TEAD4: variants seen among roughly 807,000 people sequenced by gnomAD.
The protein encoded by TEAD4 is transcriptional enhancer factor TEF-3.
A neutral mutation model predicts 52.4 loss-of-function variants in TEAD4; 36 were observed. The observed-to-expected ratio is 0.69, with a 90% CI of 0.53 to 0.91. The LOEUF (loss-of-function observed/expected upper bound fraction) is 0.91, where lower values mean the gene tolerates loss of function less well. Among genes scored for constraint, TEAD4 ranks in the 40% least tolerant of loss-of-function variants. TEAD4 has a pLI of 0.00. For missense variants in TEAD4, 508 were observed against 583.9 expected, an observed-to-expected ratio of 0.87 and a Z score of 1.34; for synonymous variants, 220 against 231.0, an observed-to-expected ratio of 0.95 and a Z score of 0.43.
chr12:3,038,997 A>G (rs2098281101), intron 11 of TEAD4, among the ~76,000 whole-genome samples: 1 of 151,794 alleles, frequency 6.6e-6, no homozygotes, highest in African/African-American at 2.4e-5. Context: ...CCCTCTCCTC[A>G]CCCCTTCCCC....
At chr12:3,009,712 G>T (rs978860273) in intron 3 of TEAD4, among the ~76,000 whole-genome samples, 1 of 152,236 alleles carries the variant, frequency 6.6e-6, no homozygotes, top group Non-Finnish European at 1.5e-5. Context: ...ACATCTTGTG[G>T]ACTCAGGGTT....
chr12:2,980,354 A>T (rs917707496), intron 2 of TEAD4, among the ~76,000 whole-genome samples: 3 of 152,060 alleles, frequency 2.0e-5, no homozygotes, highest in African/African-American at 7.2e-5. Flanking sequence ...AATCCAGGCT[A>T]CCCCTCCCTC....
intron 2 of TEAD4, among the ~76,000 whole-genome samples, chr12:2,962,870 G>A (rs1345457367): frequency 6.6e-6 from 1 of 152,140 alleles, no homozygotes; most frequent in Non-Finnish European, 1.5e-5. Flanking sequence ...TAGAACCTAT[G>A]CTCTCCCCTT....
chr12:3,010,936 C>T (rs918398609), intron 3 of TEAD4, 68 bp from the exon 4 acceptor site: 6 of 1,579,684 alleles, frequency 3.8e-6, no homozygotes, highest in Middle Eastern at 1.7e-4. Context: ...AGAAGGTACC[C>T]CGCACCCCCT....
At chr12:3,019,707 TAG>T (rs113126255) in intron 8 of TEAD4, among the ~76,000 whole-genome samples, 2,219 of 152,188 alleles carry the variant, frequency 0.015, 55 homozygotes, top group African/African-American at 0.05. Flanking sequence ...TCCCACTCTG[TAG>T]GACAAGACCA....
At chr12:3,000,113 T>C (rs2098250512) in intron 3 of TEAD4, among the ~76,000 whole-genome samples, 1 of 152,062 alleles carries the variant, frequency 6.6e-6, no homozygotes, top group East Asian at 1.9e-4. Flanking sequence ...CTCCACAACT[T>C]CATGGTCTAA....
In TEAD4 at chr12:2,975,391, TTATTATTATTAC is replaced by T. The variant is rs1313632353; in HGVS notation, c.-30+15354_-30+15365del. 2.9e-3 allele frequency among the ~76,000 whole-genome samples: 106 copies of T among 36,350 alleles called. 1 individual carries two copies. Among genetic ancestry groups the T allele is most frequent in the African/African-American group, 9.5e-3 (103 of 10,898 alleles). The allele number at this position is 36,350 out of a possible 152,430, so 23.8% of individuals were successfully genotyped here. A position where few individuals can be genotyped will look rare whatever the true frequency, so the allele number is the denominator to read the frequency against. On this transcript the variant is annotated intron_variant, in intron 2 of 12. Transcript: ENST00000359864. ...ATTATTATTATTATTATTATTATTA[TTATTATTATTAC>T]TAGAGATGGAGTCTTGCTCTTGTTG...
At chr12:3,020,889 T>G in intron 9 of TEAD4, 116 bp downstream of exon 9, 1 of 1,183,400 alleles carries the variant, frequency 8.5e-7, no homozygotes, top group Middle Eastern at 2.1e-4. Context: ...CCTGTTCCTT[T>G]CCGATCTTCC....
intron 2 of TEAD4, among the ~76,000 whole-genome samples, chr12:2,968,707 G>C (rs1385563926): frequency 1.3e-5 from 2 of 151,792 alleles, no homozygotes; most frequent in East Asian, 3.9e-4. Context: ...GGAGTGCAGT[G>C]GTGTGATCAT....
intron 3 of TEAD4, among the ~76,000 whole-genome samples, chr12:3,010,514 T>C (rs577138490): frequency 6.6e-6 from 1 of 152,312 alleles, no homozygotes; most frequent in East Asian, 1.9e-4. Context: ...GCACCCCCCA[T>C]GCCCGCTGCT....
chr12:2,982,897 C>A (rs1200786631), intron 2 of TEAD4, among the ~76,000 whole-genome samples: 2 of 152,212 alleles, frequency 1.3e-5, no homozygotes, highest in African/African-American at 4.8e-5. Context: ...CTAGGCCCAA[C>A]TTCTGCAGGG....
chr12:3,012,093 G>T, intron 4 of TEAD4, 77 bp from the exon 5 acceptor site: 2 of 1,478,724 alleles, frequency 1.4e-6, no homozygotes, highest in South Asian at 1.2e-5. Flanking sequence ...GGCTGTGGAG[G>T]GCGAGAGTCA....
intron 2 of TEAD4, among the ~76,000 whole-genome samples, chr12:2,980,158 C>T (rs2153953640): frequency 6.6e-6 from 1 of 152,270 alleles, no homozygotes; most frequent in East Asian, 1.9e-4. Flanking sequence ...GCCTTAGTCT[C>T]CTCACTTATA....
intron 2 of TEAD4, among the ~76,000 whole-genome samples, chr12:2,982,004 G>A (rs1687482488): frequency 6.6e-6 from 1 of 152,148 alleles, no homozygotes; most frequent in Admixed American, 6.5e-5. Flanking sequence ...GGATCACAGT[G>A]GCTGCAGAAG....
intron 2 of TEAD4, among the ~76,000 whole-genome samples, chr12:2,972,883 G>C (rs1316003053): frequency 6.6e-6 from 1 of 152,082 alleles, no homozygotes; most frequent in Non-Finnish European, 1.5e-5. Flanking sequence ...CAGTGTTTTT[G>C]GTAAGTAGTA....
chr12:2,962,220 G>C (rs973142737), intron 2 of TEAD4, among the ~76,000 whole-genome samples: 2 of 146,776 alleles, frequency 1.4e-5, no homozygotes, highest in African/African-American at 5.0e-5. Context: ...CGCCTCCTGG[G>C]TTCAAGCGAT....
At chr12:2,986,647 A>T (rs1002803889) in intron 2 of TEAD4, among the ~76,000 whole-genome samples, 91 of 115,520 alleles carry the variant, frequency 7.9e-4, no homozygotes, top group Non-Finnish European at 1.0e-3. Flanking sequence ...CTCAAAAAAT[A>T]AAAAAAAATA....
chr12:3,007,890 A>G (rs900457642), intron 3 of TEAD4, among the ~76,000 whole-genome samples: 7 of 152,210 alleles, frequency 4.6e-5, no homozygotes, highest in African/African-American at 1.4e-4. Context: ...GTAAAAGGTT[A>G]TTTGCATGTA....
rs1214087190 is a variant in TEAD4 at position 3,011,027 on chromosome 12, T to C, written c.250T>C (p.Tyr84His). 1 of 1,613,992 alleles carries C rather than the reference T, an allele frequency of 6.2e-7. No individual in the cohort carries two copies. The highest frequency in any genetic ancestry group is 1.3e-5 in the African/African-American group (1 of 74,916). Residue 84 changes from tyrosine (Y) to histidine (H), a missense_variant, in exon 4 of 13, where the codon TAC (tyrosine) becomes CAC (histidine). Tyr to His is a moderately conservative substitution (Grantham distance 83). Coordinates refer to ENST00000359864, the MANE Select transcript of TEAD4 (RefSeq NM_003213.4). ...AGGTCGGAACGAGCTGATTGCCCGC[T>C]ACATCAAGCTCCGGACAGGGAAGAC... is the stretch of plus-strand genomic sequence containing the variant.
Sources: allele counts gnomAD v4.1 joint callset (sites outside exome capture counted in the v4.1 genomes callset), GRCh38; gene constraint gnomAD v4.1.1; transcripts MANE v1.5; gene names NCBI Gene and HGNC (gene_info 2026-07-23, HGNC 2026-07-21).